Variants in PHF21A observed in about 807,000 individuals in gnomAD.
The protein encoded by PHF21A is BHC80a.
A neutral mutation model predicts 82.5 loss-of-function variants in PHF21A; 11 were observed. The ratio of observed to expected loss-of-function variants is 0.13; its 90% CI spans 0.08 to 0.22. PHF21A has a LOEUF of 0.22. PHF21A is among the 10% of genes least tolerant of loss of function. PHF21A has a pLI of 1.00. For synonymous variants in PHF21A, 297 were observed against 302.8 expected, an observed-to-expected ratio of 0.98 and a Z score of 0.20; for missense variants, 579 against 837.8, an observed-to-expected ratio of 0.69 and a Z score of 3.81.
chr11:46,084,398 C>T (rs1243048428), intron 3 of PHF21A, 96 bp from the exon 4 acceptor site: 4 of 466,506 alleles, frequency 8.6e-6, no homozygotes, highest in Non-Finnish European at 1.4e-5. Context: ...ATCTGATTCT[C>T]TAACGCAGGG....
At chr11:46,028,349 G>C (rs1565616458) in intron 6 of PHF21A, among the ~76,000 whole-genome samples, 1 of 152,030 alleles carries the variant, frequency 6.6e-6, no homozygotes, top group African/African-American at 2.4e-5. Flanking sequence ...AATGTTAATA[G>C]TTGAGTGTTA....
chr11:46,014,354 T>G (rs1163965529), intron 6 of PHF21A, among the ~76,000 whole-genome samples: 1 of 152,242 alleles, frequency 6.6e-6, no homozygotes, highest in Non-Finnish European at 1.5e-5. Context: ...TTGTTCTTTT[T>G]TATGGCTGTG....
intron 5 of PHF21A, among the ~76,000 whole-genome samples, chr11:46,078,925 T>C (rs1229141812): frequency 6.6e-6 from 1 of 152,056 alleles, no homozygotes; most frequent in Non-Finnish European, 1.5e-5. Context: ...AAAATAATAG[T>C]AACAAAGATG....
chr11:45,975,729 G>T (rs2093992162), intron 7 of PHF21A, among the ~76,000 whole-genome samples: 1 of 152,078 alleles, frequency 6.6e-6, no homozygotes, highest in East Asian at 1.9e-4. Flanking sequence ...ACACCTATAA[G>T]CATGAGTTGA....
rs1352060679 is a variant in PHF21A, at chr11:45,997,230, G to T, written c.154-17264C>A. Among the ~76,000 whole-genome samples, 123 of 152,150 alleles carry T rather than the reference G, an allele frequency of 8.1e-4. 1 individual carries two copies. Among genetic ancestry groups the T allele is most frequent in the Non-Finnish European group, 1.2e-4 (8 of 67,988 alleles). On this transcript the variant is annotated intron_variant, in intron 6 of 18. Coordinates refer to ENST00000676320, the MANE Select transcript of PHF21A (RefSeq NM_001352027.3). Reference sequence around the variant, plus strand: ...ATGAAACAGAGGGATTTTTTTCCATGAATGTTTTTCCTTTGCTTAATACCA... The same window carrying T: ...ATGAAACAGAGGGATTTTTTTCCATTAATGTTTTTCCTTTGCTTAATACCA...
chr11:46,110,733 A>G (rs1189263441), intron 1 of PHF21A, among the ~76,000 whole-genome samples: 3 of 152,184 alleles, frequency 2.0e-5, no homozygotes, highest in Non-Finnish European at 2.9e-5. Context: ...ACCAGATTCC[A>G]TACATTTTGG....
chr11:45,935,346 G>A (rs1401957302), intron 18 of PHF21A: 3 of 948,990 alleles, frequency 3.2e-6, no homozygotes, highest in East Asian at 4.0e-5. Flanking sequence ...CAGGGCCATG[G>A]CTACACTGTT....
intron 1 of PHF21A, chr11:46,120,243 A>C (rs1852746844): frequency 6.6e-6 from 1 of 151,266 alleles, no homozygotes; most frequent in South Asian, 2.1e-4. Context: ...TTTCCAAAAA[A>C]AAATTTTTTT....
At chr11:46,110,073 ATAT>A (rs1475536673) in intron 1 of PHF21A, among the ~76,000 whole-genome samples, 1 of 152,094 alleles carries the variant, frequency 6.6e-6, no homozygotes, top group South Asian at 2.1e-4. Context: ...TATAATATTA[ATAT>A]TATTAACATG....
intron 6 of PHF21A, among the ~76,000 whole-genome samples, chr11:45,982,933 G>GT (rs2094357012): frequency 6.6e-6 from 1 of 152,236 alleles, no homozygotes; most frequent in African/African-American, 2.4e-5. Context: ...AGGAAAGGGT[G>GT]TTTTTTTCTC....
intron 9 of PHF21A, among the ~76,000 whole-genome samples, chr11:45,968,101 TAA>T (rs1455778777): frequency 6.6e-6 from 1 of 152,220 alleles, no homozygotes; most frequent in Non-Finnish European, 1.5e-5. Context: ...ATACTCCATG[TAA>T]AGTGCCTAGC....
intron 15 of PHF21A, among the ~76,000 whole-genome samples, chr11:45,944,923 C>T (rs1322493786): frequency 6.6e-6 from 1 of 152,138 alleles, no homozygotes; most frequent in Non-Finnish European, 1.5e-5. Context: ...CACGCCATGC[C>T]CGGCTAATTT....
chr11:46,100,500 A>G (rs2097079865), intron 1 of PHF21A, among the ~76,000 whole-genome samples: 1 of 152,136 alleles, frequency 6.6e-6, no homozygotes, highest in Admixed American at 6.5e-5. Flanking sequence ...TCTGGGGAAT[A>G]CCACAAAGTC....
At chr11:45,936,356 T>C in intron 17 of PHF21A, 138 bp downstream of exon 17, 2 of 565,446 alleles carry the variant, frequency 3.5e-6, no homozygotes, top group Non-Finnish European at 6.3e-6. Flanking sequence ...TTCATTTGCT[T>C]TGTTTCCTCC....
At chr11:46,099,838 C>A (rs925011323) in intron 1 of PHF21A, among the ~76,000 whole-genome samples, 1 of 152,136 alleles carries the variant, frequency 6.6e-6, no homozygotes, top group Non-Finnish European at 1.5e-5. Context: ...AGAATCTCTT[C>A]TCTCTGACTA....
At chr11:46,045,255 C>T (rs2096239440) in intron 6 of PHF21A, among the ~76,000 whole-genome samples, 1 of 152,150 alleles carries the variant, frequency 6.6e-6, no homozygotes, top group African/African-American at 2.4e-5. Flanking sequence ...CTGCCCTGGT[C>T]TACCATGTGT....
chr11:45,943,873 G>A (rs1420012707), intron 15 of PHF21A, among the ~76,000 whole-genome samples: 3 of 152,116 alleles, frequency 2.0e-5, no homozygotes, highest in South Asian at 2.1e-4. Flanking sequence ...ACTTATTAGT[G>A]CTCCTGCAAA....
At chr11:46,042,291 T>C (rs548486557) in intron 6 of PHF21A, among the ~76,000 whole-genome samples, 38 of 152,238 alleles carry the variant, frequency 2.5e-4, no homozygotes, top group Non-Finnish European at 3.8e-4. Flanking sequence ...AACTTTAAGA[T>C]TGCTGGACAG....
At position 46,096,015 on chromosome 11, in the gene PHF21A, C is replaced by T. The variant is rs551777970; in HGVS notation, c.-236-3792G>A. Reference sequence around the variant, plus strand: ...GTTTTATACACCACTGGCTTTACTGCTTTTTATCTACCCTTCCTAACTTCC... The same window carrying T: ...GTTTTATACACCACTGGCTTTACTGTTTTTTATCTACCCTTCCTAACTTCC... On this transcript the variant is annotated intron_variant, in intron 1 of 18. Coordinates refer to ENST00000676320, the MANE Select transcript of PHF21A (RefSeq NM_001352027.3). Among the ~76,000 whole-genome samples, 4 of 152,268 alleles carry T rather than the reference C, an allele frequency of 2.6e-5. No individual in the cohort carries two copies. In the East Asian group the frequency reaches 7.7e-4, roughly 29 times the overall value.
Sources: gnomAD v4.1 joint callset for allele counts (sites outside exome capture counted in the v4.1 genomes callset) on GRCh38, gnomAD v4.1.1 for gene constraint, MANE v1.5 for transcripts, NCBI Gene and HGNC (gene_info 2026-07-23, HGNC 2026-07-21) for gene names.